The following AARS1 variants were observed in gnomAD, a reference collection of about 807,000 sequenced individuals.
AARS1 encodes the protein alanyl-tRNA synthetase 1.
AARS1 carries 72 observed loss-of-function variants against 108.9 expected under a neutral mutation model. The observed-to-expected ratio is 0.66, with a 90% CI of 0.55 to 0.80. AARS1 has a LOEUF of 0.80. AARS1 is among the 30% of genes least tolerant of loss of function. The probability of loss-of-function intolerance (pLI) is 0.00; values close to 1 mark genes in which losing one functional copy is unlikely to be tolerated. For synonymous variants in AARS1, 489 were observed against 465.7 expected (o/e 1.05, Z -0.64); for missense variants, 1,193 against 1,233.2 (o/e 0.97, Z 0.49).
chr16:70,262,967 C>CAAGAAAAAAAAA (rs1960172533), intron 11 of AARS1, among the ~76,000 whole-genome samples: 1 of 20,588 alleles, frequency 4.9e-5, no homozygotes, highest in Non-Finnish European at 9.1e-5. Context: ...GACTCGGTCT[C>CAAGAAAAAAAAA]AAAAAAAAAA....
Position 70,254,610 on chromosome 16 carries a change from G to A in AARS1, c.2400+11C>T. The A allele has an allele frequency of 6.3e-7, 1 of 1,598,336 alleles. No homozygotes were observed. On this transcript the variant is annotated intron_variant, in intron 17 of 20. Coordinates refer to ENST00000261772, the MANE Select transcript of AARS1 (RefSeq NM_001605.3). Reference sequence around the variant, plus strand: ...AGGCCCTGAGGACGGAGGGAGGGAAGCCGCCCCTACCTCTCCAAGGTCAGC... The same window carrying A: ...AGGCCCTGAGGACGGAGGGAGGGAAACCGCCCCTACCTCTCCAAGGTCAGC...
Position 70,252,884 on chromosome 16 carries a change from T to C in AARS1, c.2744A>G (p.Lys915Arg). 1 of 1,614,076 alleles carries C rather than the reference T, an allele frequency of 6.2e-7. No individual in the cohort carries two copies. The highest frequency in any genetic ancestry group is 1.1e-5 in the South Asian group (1 of 91,090). ...VPQNAANRGLKASEWVQQVSG... is the reference protein window; with the variant it reads ...VPQNAANRGLRASEWVQQVSG... The stretch of plus-strand genomic sequence containing the variant: ...CACCTGCTGCACCCACTCGCTGGCT[T>C]TTAAGCCCCGATTGGCTGCATTCTA... The change falls in exon 21 of 21, where the codon AAA becomes AGA. Residue 915 changes from lysine to arginine, a missense_variant. By Grantham distance (26) the Lys-to-Arg change is conservative. Transcript: ENST00000261772.
intron 9 of AARS1, 142 bp downstream of exon 9, chr16:70,267,517 C>T: frequency 9.8e-7 from 1 of 1,016,688 alleles, no homozygotes; most frequent in African/African-American, 1.6e-5. Context: ...ACTATAAATT[C>T]CAGTTTGCAC....
At chr16:70,265,687 C>CAA (rs146880293) in intron 9 of AARS1, 25 bp from the exon 10 acceptor site, 30 of 1,609,184 alleles carry the variant, frequency 1.9e-5, no homozygotes, top group South Asian at 8.8e-5. Context: ...GGAGGTGTGT[C>CAA]AAAAAAAACA....
chr16:70,276,604 G>C lies in AARS1; in HGVS notation c.361C>G (p.Leu121Val). The C allele has an allele frequency of 1.2e-6, 2 of 1,614,078 alleles. No homozygotes were observed. The highest frequency in any genetic ancestry group is 1.7e-6 in the Non-Finnish European group (2 of 1,180,014). Residue 121 changes from leucine (L) to valine (V), a missense_variant, in exon 4 of 21, where the codon CTC becomes GTC. Coordinates refer to ENST00000261772, the MANE Select transcript of AARS1 (RefSeq NM_001605.3). ...KELACKMALELLTQEFGIPIE... is the reference protein window; with the variant it reads ...KELACKMALEVLTQEFGIPIE... ...GGAATGCCAAACTCTTGGGTGAGGA[G>C]TTCCAGAGCCATCTTACATGCCAAT...
chr16:70,261,773 G>C (rs931957515), intron 12 of AARS1, among the ~76,000 whole-genome samples: 1 of 149,830 alleles, frequency 6.7e-6, no homozygotes, highest in South Asian at 2.1e-4. Flanking sequence ...GGGTTCAAGC[G>C]ATTCTCCCCT....
chr16:70,261,120 C>A lies in AARS1; in HGVS notation c.1709G>T (p.Gly570Val), dbSNP rs758700577. Residue 570 changes from glycine to valine, a missense_variant, in exon 13 of 21, where the codon GGA (glycine) becomes GTA (valine). By Grantham distance (109) the Gly-to-Val change is moderately radical (BLOSUM62 -3). Transcript: ENST00000261772. ...EFTVKNAQVR[G>V]GYVLHIGTIY... ...GGTTCCAATGTGTAGCACATACCCT[C>A]CTCGGACCTGAGCATTCTTCACTGT... 9 of 1,613,858 alleles carry A rather than the reference C, an allele frequency of 5.6e-6. No homozygotes were observed. Among genetic ancestry groups the A allele is most frequent in the Non-Finnish European group, 7.6e-6 (9 of 1,179,816 alleles).
chr16:70,274,491 C>T (rs535715571), intron 4 of AARS1, among the ~76,000 whole-genome samples: 8 of 151,724 alleles, frequency 5.3e-5, no homozygotes, highest in African/African-American at 7.3e-5. Context: ...TTTGGGAGGC[C>T]GAGGCGTGTG....
rs1292597299 is a variant in AARS1 at position 70,253,343 on chromosome 16, G to A, written c.2646C>T (p.Ser882=). The A allele has an allele frequency of 1.2e-6, 2 of 1,614,054 alleles. No individual in the cohort carries two copies. Among genetic ancestry groups the A allele is most frequent in the East Asian group, 4.5e-5 (2 of 44,888 alleles). Residue 882 remains serine, a synonymous_variant, in exon 20 of 21, where the codon TCC becomes TCT. Transcript: ENST00000261772. The part of the protein sequence containing the change: ...NEALKLFKMH[S]PQTSAMLFTV... ...TGAAGAGCATGGCAGAAGTCTGAGG[G>A]GAGTGCATCTTGAAGAGCTTCAAGG...
At chr16:70,270,402 C>T in intron 5 of AARS1, 62 bp from the exon 6 acceptor site, 1 of 1,599,198 alleles carries the variant, frequency 6.3e-7, no homozygotes. Context: ...TCTCCAGTCC[C>T]TGCTGGTTAA....
intron 1 of AARS1, among the ~76,000 whole-genome samples, chr16:70,285,143 C>T (rs1379553353): frequency 2.0e-5 from 3 of 151,402 alleles, no homozygotes; most frequent in East Asian, 3.9e-4. Context: ...ATGGGAGAAT[C>T]GCTTGAACCT....
chr16:70,264,927 G>C, intron 11 of AARS1, 31 bp downstream of exon 11: 3 of 1,613,840 alleles, frequency 1.9e-6, no homozygotes, highest in Non-Finnish European at 2.5e-6. Context: ...GGGGCAGAAT[G>C]CTCAGATGTG....
chr16:70,264,944 G>A lies in AARS1; in HGVS notation c.1492+14C>T. The A allele has an allele frequency of 1.2e-6, 2 of 1,614,052 alleles. No homozygotes were observed. The highest frequency in any genetic ancestry group is 2.7e-5 in the African/African-American group (2 of 75,032). On this transcript the variant is annotated intron_variant, in intron 11 of 20. Coordinates refer to ENST00000261772, the MANE Select transcript of AARS1 (RefSeq NM_001605.3). ...GGCAGAATGCTCAGATGTGGAAGGAGCACAGCAACATACCATAGCTACCAC... is the reference window on the plus strand; with the variant it reads ...GGCAGAATGCTCAGATGTGGAAGGAACACAGCAACATACCATAGCTACCAC...
At chr16:70,263,387 C>T (rs2152157365) in intron 11 of AARS1, among the ~76,000 whole-genome samples, 1 of 152,172 alleles carries the variant, frequency 6.6e-6, no homozygotes, top group Middle Eastern at 3.4e-3. Flanking sequence ...GCCTGGCCAA[C>T]ACGGTGAAAC....
At chr16:70,266,402 AG>A (rs1411714323) in intron 9 of AARS1, among the ~76,000 whole-genome samples, 7 of 151,952 alleles carry the variant, frequency 4.6e-5, no homozygotes, top group Non-Finnish European at 1.0e-4. Flanking sequence ...AGGCTGAGGC[AG>A]GAGAATGGCA....
chr16:70,282,376 T>G (rs985712323), intron 2 of AARS1, among the ~76,000 whole-genome samples: 3 of 149,314 alleles, frequency 2.0e-5, no homozygotes, highest in Non-Finnish European at 4.4e-5. Context: ...ACCTACGTAC[T>G]ATGTGCGAAA....
rs1313203917 is a variant in AARS1, at chr16:70,252,968, G to A, written c.2722-62C>T. ...AGATGGGATTGAGGGAGGAATGCAG[G>A]GAAAGAAAGGATGGAGGAGCCATCA... On this transcript the variant is annotated intron_variant, in intron 20 of 20. Transcript: ENST00000261772. The A allele has an allele frequency of 4.5e-6, 7 of 1,549,204 alleles. No individual in the cohort carries two copies. The African/African-American group carries it at 6.8e-5, about 15-fold the overall frequency.
At chr16:70,257,765 A>G (rs138418141) in intron 15 of AARS1, among the ~76,000 whole-genome samples, 1 of 152,346 alleles carries the variant, frequency 6.6e-6, no homozygotes, top group African/African-American at 2.4e-5. Flanking sequence ...AGCCCAGCAA[A>G]CAACAGCAAG....
chr16:70,265,705 C>G, intron 9 of AARS1, 43 bp from the exon 10 acceptor site: 1 of 1,610,048 alleles, frequency 6.2e-7, no homozygotes, highest in Non-Finnish European at 8.5e-7. Context: ...ACAGACAGCC[C>G]CTTTTCCATG....
Sources: allele counts gnomAD v4.1 joint callset (sites outside exome capture counted in the v4.1 genomes callset), GRCh38; gene constraint gnomAD v4.1.1; transcripts MANE v1.5; gene names NCBI Gene and HGNC (gene_info 2026-07-23, HGNC 2026-07-21).